The following TMEM164 variants were observed in gnomAD, a reference collection of about 807,000 sequenced individuals.
The protein encoded by TMEM164 is transmembrane protein 164.
TMEM164 carries 4 observed loss-of-function variants against 18.8 expected under a neutral mutation model. The observed-to-expected ratio is 0.21, with a 90% CI of 0.10 to 0.49. The LOEUF (loss-of-function observed/expected upper bound fraction) is 0.49. Ranked by LOEUF, TMEM164 falls within the 20% of genes least tolerant of loss-of-function variation. The probability of loss-of-function intolerance (pLI) is 0.98; values close to 1 mark genes in which losing one functional copy is unlikely to be tolerated. For synonymous variants in TMEM164, 86 were observed against 101.7 expected (o/e 0.85, Z 0.93); for missense variants, 108 against 239.9 (o/e 0.45, Z 3.63).
chrX:110,036,590 G>C (rs891543990), intron 2 of TMEM164, among the ~76,000 whole-genome samples: 1 of 112,165 alleles, frequency 8.9e-6, no homozygotes, highest in Non-Finnish European at 1.9e-5. Flanking sequence ...CAAAATATTC[G>C]ATGTTGCAAT....
intron 2 of TMEM164, among the ~76,000 whole-genome samples, chrX:110,025,026 A>G (rs1934119598): frequency 9.2e-6 from 1 of 108,627 alleles, no homozygotes; most frequent in Non-Finnish European, 1.9e-5. Context: ...GTGTTGGCAT[A>G]TGTGTTCTTG....
chrX:110,183,075 G>A (rs900387433), downstream of TMEM164, among the ~76,000 whole-genome samples: 18 of 112,205 alleles, frequency 1.6e-4, no homozygotes, highest in African/African-American at 5.2e-4. Context: ...AGCTGATGAG[G>A]CCGATTAGGG....
At chrX:110,149,392 G>C (rs2066908614) in intron 5 of TMEM164, among the ~76,000 whole-genome samples, 1 of 111,653 alleles carries the variant, frequency 9.0e-6, no homozygotes, top group Non-Finnish European at 1.9e-5. Context: ...AGCAACGTCT[G>C]TCTGACCAAA....
At chrX:110,022,827 T>C (rs1169902255) in intron 2 of TMEM164, among the ~76,000 whole-genome samples, 1 of 112,231 alleles carries the variant, frequency 8.9e-6, no homozygotes, top group Admixed American at 9.4e-5. Context: ...GGCAAGTATG[T>C]ACAGAATTTA....
At chrX:110,059,978 T>C (rs1369938252) in intron 2 of TMEM164, among the ~76,000 whole-genome samples, 2 of 110,902 alleles carry the variant, frequency 1.8e-5, no homozygotes, top group Non-Finnish European at 3.8e-5. Context: ...ATTGAAAAGG[T>C]TGGGCTGGGT....
At position 110,175,616 on chromosome X, in the gene TMEM164, G is replaced by A; in HGVS notation, c.*2165G>A. 1 of 440,622 alleles carries A rather than the reference G, an allele frequency of 2.3e-6. No homozygotes were observed. Among genetic ancestry groups the A allele is most frequent in the Non-Finnish European group, 2.8e-6 (1 of 352,504 alleles). 36.3% of individuals were successfully genotyped at this position (440,622 alleles called of 1,213,427 possible). A position where few individuals can be genotyped will look rare whatever the true frequency, so the allele number is the denominator to read the frequency against. On this transcript the variant is annotated 3_prime_UTR_variant, in exon 7 of 7. Transcript: ENST00000372068. Reference sequence around the variant, plus strand: ...CTTGGAAGGAGAGAAGAAAGCAAAAGCCACATGCCTGGCATGGCCAAGCCA... The same window carrying A: ...CTTGGAAGGAGAGAAGAAAGCAAAAACCACATGCCTGGCATGGCCAAGCCA...
At chrX:110,178,815 G>A (rs1602759688), downstream of TMEM164, among the ~76,000 whole-genome samples, 2 of 112,373 alleles carry the variant, frequency 1.8e-5, no homozygotes, top group African/African-American at 3.2e-5. Context: ...GTCCTTGTAC[G>A]GTAGGGAGAA....
Position 110,171,533 on chromosome X carries a change from A to G in TMEM164, c.687+13A>G, listed in dbSNP as rs1441651462. ...GATCCTCGGCCTGGTAAGTTTGGTTATATCCCCTTCTATCCCCTCTGTTTG... is the reference window on the plus strand; with the variant it reads ...GATCCTCGGCCTGGTAAGTTTGGTTGTATCCCCTTCTATCCCCTCTGTTTG... On this transcript the variant is annotated intron_variant, in intron 6 of 6. Transcript: ENST00000372068. The G allele has an allele frequency of 2.6e-6, 3 of 1,145,891 alleles. No homozygotes were observed. Among genetic ancestry groups the G allele is most frequent in the Non-Finnish European group, 2.4e-6 (2 of 836,951 alleles). The allele number at this position is 1,145,891 out of a possible 1,213,427, so 94.4% of individuals were successfully genotyped here.
intron 3 of TMEM164, among the ~76,000 whole-genome samples, chrX:110,081,902 A>C (rs1266949958): frequency 8.9e-6 from 1 of 112,585 alleles, no homozygotes; most frequent in Admixed American, 9.4e-5. Flanking sequence ...CGTGTGCAGC[A>C]GGCTGCATGT....
At chrX:110,014,919 GAGA>G (rs200895274) in intron 2 of TMEM164, among the ~76,000 whole-genome samples, 3,906 of 110,603 alleles carry the variant, frequency 0.035, 187 homozygotes, top group African/African-American at 0.12. Flanking sequence ...TTAGCTGAAG[GAGA>G]AGCACAGTAT....
intron 2 of TMEM164, among the ~76,000 whole-genome samples, chrX:110,041,414 C>T (rs755894974): frequency 1.8e-5 from 2 of 111,506 alleles, no homozygotes; most frequent in African/African-American, 6.5e-5. Context: ...AAGGGTTCAC[C>T]GGAGATAGAT....
rs1210041489 is a variant in TMEM164, at chrX:110,127,162, G to T, written c.508-17636G>T. Among the ~76,000 whole-genome samples, 4 of 110,844 alleles carry T rather than the reference G, an allele frequency of 3.6e-5. No homozygotes were observed. The East Asian group carries it at 1.1e-3, about 31-fold the overall frequency. ...TGTTGGCAGATGCATGGTGAGAGCT[G>T]TCCTGAGGAAGTACCATCCAGAGTC... On this transcript the variant is annotated intron_variant, in intron 4 of 6. Coordinates refer to ENST00000372068, the MANE Select transcript of TMEM164 (RefSeq NM_032227.4).
intron 4 of TMEM164, among the ~76,000 whole-genome samples, chrX:110,118,971 C>T (rs1010204609): frequency 1.8e-5 from 2 of 111,183 alleles, no homozygotes; most frequent in Non-Finnish European, 3.8e-5. Context: ...ACCTGAACCT[C>T]TATGTTGCTT....
chrX:110,116,332 G>A (rs2066363397), intron 4 of TMEM164, among the ~76,000 whole-genome samples: 1 of 112,129 alleles, frequency 8.9e-6, no homozygotes, highest in Non-Finnish European at 1.9e-5. Context: ...AAGTGCTAAA[G>A]CTAAACCTGT....
At position 110,016,334 on chromosome X, in the gene TMEM164, C is replaced by T. The variant is rs762333247; in HGVS notation, c.390+12170C>T. Reference sequence around the variant, plus strand: ...TTTTCTCTTTCCCTTCTTTCCTTGACGTTGGGTTCTTGCTTTTCAGTTATA... The same window carrying T: ...TTTTCTCTTTCCCTTCTTTCCTTGATGTTGGGTTCTTGCTTTTCAGTTATA... On this transcript the variant is annotated intron_variant, in intron 2 of 6. Coordinates refer to ENST00000372068, the MANE Select transcript of TMEM164 (RefSeq NM_032227.4). Among the ~76,000 whole-genome samples the T allele has an allele frequency of 1.3e-4, 15 of 112,259 alleles. No homozygotes were observed. In the South Asian group the frequency reaches 4.8e-3, roughly 36 times the overall value.
intron 3 of TMEM164, among the ~76,000 whole-genome samples, chrX:110,099,429 A>G (rs1009041368): frequency 2.7e-5 from 3 of 111,552 alleles, no homozygotes; most frequent in East Asian, 5.6e-4. Context: ...TAGCTTTTAT[A>G]TAAGTTGTGA....
rs181617461 is a variant in TMEM164 at position 110,069,793 on chromosome X, T to C, written c.440+2397T>C. Among the ~76,000 whole-genome samples the C allele has an allele frequency of 3.7e-3, 414 of 111,142 alleles. 1 individual carries two copies. Among genetic ancestry groups the C allele is most frequent in the South Asian group, 8.9e-3 (24 of 2,686 alleles). On this transcript the variant is annotated intron_variant, in intron 3 of 6. Coordinates refer to ENST00000372068, the MANE Select transcript of TMEM164 (RefSeq NM_032227.4). ...TTATATCCAAATATGACTCTTTTCT[T>C]ATATAGCATCTGAATTTCAAGTCTT...
chrX:110,023,414 G>C (rs1327658265), intron 2 of TMEM164, among the ~76,000 whole-genome samples: 7 of 110,580 alleles, frequency 6.3e-5, no homozygotes, highest in African/African-American at 2.3e-4. Context: ...AGTGGGGCCA[G>C]TTCCTAGTGA....
At position 110,131,933 on chromosome X, in the gene TMEM164, T is replaced by C. The variant is rs374158975; in HGVS notation, c.508-12865T>C. The stretch of plus-strand genomic sequence containing the variant: ...GAATTTGGAGCTCCCTGAGTCCATT[T>C]TGATGGCTAGGTAGTACCTATATTA... On this transcript the variant is annotated intron_variant, in intron 4 of 6. Transcript: ENST00000372068. Among the ~76,000 whole-genome samples the C allele has an allele frequency of 5.1e-4, 57 of 112,010 alleles. No individual in the cohort carries two copies. In the East Asian group the frequency reaches 9.5e-3, roughly 19 times the overall value.
Sources: gnomAD v4.1 joint callset for allele counts (sites outside exome capture counted in the v4.1 genomes callset) on GRCh38, gnomAD v4.1.1 for gene constraint, MANE v1.5 for transcripts, NCBI Gene and HGNC (gene_info 2026-07-23, HGNC 2026-07-21) for gene names.